The following STX18 variants were observed in gnomAD, a reference collection of about 807,000 sequenced individuals.
STX18 encodes syntaxin-18.
In STX18, 40 loss-of-function variants were observed where a neutral mutation model predicts 50.1. The ratio of observed to expected loss-of-function variants is 0.80; its 90% confidence interval spans 0.62 to 1.04. The LOEUF (loss-of-function observed/expected upper bound fraction) is 1.04. STX18 is among the 50% of genes least tolerant of loss of function. The probability of loss-of-function intolerance (pLI) is 0.00; values close to 1 mark genes in which losing one functional copy is unlikely to be tolerated. For synonymous variants in STX18, 158 were observed against 151.8 expected (o/e 1.04, Z -0.30); for missense variants, 410 against 415.8 (o/e 0.99, Z 0.12).
At chr4:4,529,653 C>A (rs1172165501) in intron 1 of STX18, among the ~76,000 whole-genome samples, 1 of 152,198 alleles carries the variant, frequency 6.6e-6, no homozygotes, top group Non-Finnish European at 1.5e-5. Context: ...ACCGGAGAAG[C>A]ACAGCACACA....
chr4:4,429,189 G>A (rs1017384132), intron 7 of STX18, among the ~76,000 whole-genome samples: 4 of 152,154 alleles, frequency 2.6e-5, no homozygotes, highest in Non-Finnish European at 4.4e-5. Flanking sequence ...TTGCATAAAT[G>A]AACATATGCT....
At chr4:4,430,283 G>A (rs1397702122) in intron 7 of STX18, among the ~76,000 whole-genome samples, 4 of 152,106 alleles carry the variant, frequency 2.6e-5, no homozygotes, top group South Asian at 4.2e-4. Flanking sequence ...TTATGACCAC[G>A]ATTTGCTACA....
At chr4:4,474,522 T>G (rs755598914) in intron 1 of STX18, among the ~76,000 whole-genome samples, 6 of 152,160 alleles carry the variant, frequency 3.9e-5, no homozygotes, top group Admixed American at 6.5e-5. Context: ...CTATATGGTG[T>G]TACATGACAA....
rs1015622691 is a variant in STX18, at chr4:4,426,939, C to T, written c.703-1717G>A. Among the ~76,000 whole-genome samples the T allele has an allele frequency of 3.3e-5, 5 of 152,330 alleles. No individual in the cohort carries two copies. In the East Asian group the frequency reaches 5.8e-4, roughly 18 times the overall value. On this transcript the variant is annotated intron_variant, in intron 7 of 10. Transcript: ENST00000306200. ...TTTCCTGCCTGGCTGCAGAACTCCACGTGGTCCCTCAAAACCCCAGGCATC... is the reference window on the plus strand; with the variant it reads ...TTTCCTGCCTGGCTGCAGAACTCCATGTGGTCCCTCAAAACCCCAGGCATC...
Position 4,425,201 on chromosome 4 carries a change from G to A in STX18, c.724C>T (p.Leu242=), listed in dbSNP as rs1170255939. Reference sequence around the variant, plus strand: ...AACAAGCTGTTCATTTCACCAATTAGTCGCTGATTTTCCTGTTCAAACTGT... The same window carrying A: ...AACAAGCTGTTCATTTCACCAATTAATCGCTGATTTTCCTGTTCAAACTGT... ...IQMFEQENQR[L]IGEMNSLFDE... The change falls in exon 8 of 11, where the codon CTA becomes TTA. Residue 242 remains leucine, a synonymous_variant. Transcript: ENST00000306200. The A allele has an allele frequency of 6.2e-7, 1 of 1,614,048 alleles. No homozygotes were observed. Among genetic ancestry groups the A allele is most frequent in the African/African-American group, 1.3e-5 (1 of 74,928 alleles).
chr4:4,497,655 C>T (rs1043446838), intron 1 of STX18, among the ~76,000 whole-genome samples: 1 of 152,172 alleles, frequency 6.6e-6, no homozygotes, highest in Non-Finnish European at 1.5e-5. Context: ...CTCAATATCC[C>T]TCAGCTAGTA....
intron 1 of STX18, among the ~76,000 whole-genome samples, chr4:4,521,888 T>C (rs1730524305): frequency 1.3e-5 from 2 of 152,208 alleles, no homozygotes; most frequent in South Asian, 2.1e-4. Flanking sequence ...TTGTAGCATG[T>C]TTATAAAATC....
chr4:4,431,569 A>G (rs925188535), intron 7 of STX18, among the ~76,000 whole-genome samples: 5 of 152,016 alleles, frequency 3.3e-5, no homozygotes, highest in Admixed American at 1.3e-4. Flanking sequence ...CCATCCTTCA[A>G]ACATCAGCTG....
chr4:4,513,104 T>G (rs991400382), intron 1 of STX18, among the ~76,000 whole-genome samples: 2 of 152,314 alleles, frequency 1.3e-5, no homozygotes, highest in South Asian at 2.1e-4. Flanking sequence ...CTGAAAAATT[T>G]TAAGACTTCC....
intron 7 of STX18, among the ~76,000 whole-genome samples, chr4:4,430,626 A>G (rs540610311): frequency 2.5e-4 from 38 of 152,348 alleles, no homozygotes; most frequent in Non-Finnish European, 5.4e-4. Flanking sequence ...GGACAGTGGA[A>G]TGAAACAGAA....
At chr4:4,527,570 G>A (rs1472285728) in intron 1 of STX18, among the ~76,000 whole-genome samples, 3 of 151,840 alleles carry the variant, frequency 2.0e-5, no homozygotes, top group South Asian at 2.1e-4. Flanking sequence ...GGACAAGGCA[G>A]CTTGATTCAG....
chr4:4,542,037 C>T lies in STX18; in HGVS notation c.-73G>A. The T allele has an allele frequency of 2.7e-6, 4 of 1,460,832 alleles. No homozygotes were observed. Among genetic ancestry groups the T allele is most frequent in the South Asian group, 1.4e-5 (1 of 71,518 alleles). The allele number at this position is 1,460,832 out of a possible 1,614,324, so 90.5% of individuals were successfully genotyped here. ...CCGGCGACCGCGGCGCGAACCCGGC[C>T]GCTGAAGGACTGGTCCTGCCCCACA... On this transcript the variant is annotated 5_prime_UTR_variant, in exon 1 of 11. Transcript: ENST00000306200.
chr4:4,517,548 T>C (rs1730327530), intron 1 of STX18, among the ~76,000 whole-genome samples: 1 of 152,172 alleles, frequency 6.6e-6, no homozygotes, highest in African/African-American at 2.4e-5. Context: ...ACAACCATGT[T>C]CAAGAAAATC....
At chr4:4,453,229 A>G (rs963571543) in intron 5 of STX18, among the ~76,000 whole-genome samples, 12 of 152,234 alleles carry the variant, frequency 7.9e-5, no homozygotes, top group Admixed American at 5.2e-4. Context: ...TATGGGTAAA[A>G]TGCTATCAAA....
At chr4:4,433,002 C>G (rs1480385441) in intron 7 of STX18, among the ~76,000 whole-genome samples, 1 of 152,188 alleles carries the variant, frequency 6.6e-6, no homozygotes, top group Non-Finnish European at 1.5e-5. Context: ...CAGTGTGCCA[C>G]GCTGCTCCTG....
At chr4:4,440,224 T>A (rs1726032232) in intron 5 of STX18, among the ~76,000 whole-genome samples, 2 of 152,346 alleles carry the variant, frequency 1.3e-5, no homozygotes, top group Non-Finnish European at 2.9e-5. Context: ...ACAATGTAAA[T>A]GCATATTAGG....
chr4:4,518,102 A>G (rs762969576), intron 1 of STX18, among the ~76,000 whole-genome samples: 1 of 152,222 alleles, frequency 6.6e-6, no homozygotes, highest in South Asian at 2.1e-4. Context: ...TGTTGCAAAT[A>G]TAATGATCTC....
intron 1 of STX18, among the ~76,000 whole-genome samples, chr4:4,506,209 A>G (rs1250186264): frequency 6.6e-6 from 1 of 152,234 alleles, no homozygotes; most frequent in Non-Finnish European, 1.5e-5. Flanking sequence ...CCCTAGAGAA[A>G]TGAAAATGTA....
chr4:4,446,274 A>G (rs753444178), intron 5 of STX18, among the ~76,000 whole-genome samples: 1 of 152,184 alleles, frequency 6.6e-6, no homozygotes, highest in Non-Finnish European at 1.5e-5. Context: ...AACATAAAAT[A>G]ATATCTTAGT....
Sources: allele counts gnomAD v4.1 joint callset (sites outside exome capture counted in the v4.1 genomes callset), GRCh38; gene constraint gnomAD v4.1.1; transcripts MANE v1.5; gene names NCBI Gene and HGNC (gene_info 2026-07-23, HGNC 2026-07-21).